NLGN1: variants seen among roughly 807,000 people sequenced by gnomAD.
NLGN1 encodes the protein neuroligin-1.
NLGN1 carries 12 observed loss-of-function variants against 65.5 expected under a neutral mutation model. The ratio of observed to expected loss-of-function variants is 0.18; its 90% CI spans 0.12 to 0.30. The LOEUF is 0.30. Among genes scored for constraint, NLGN1 ranks in the 10% least tolerant of loss-of-function variants. NLGN1 has a pLI of 1.00. For missense variants in NLGN1, 750 were observed against 1,007.1 expected, an observed-to-expected ratio of 0.74 and a Z score of 3.46; for synonymous variants, 350 against 359.5, an observed-to-expected ratio of 0.97 and a Z score of 0.30.
chr3:173,438,723 G>A (rs1411677925), intron 2 of NLGN1, among the ~76,000 whole-genome samples: 1 of 152,092 alleles, frequency 6.6e-6, no homozygotes, highest in Non-Finnish European at 1.5e-5. Flanking sequence ...TCTAAAGAAA[G>A]ATTAAAGGAA....
intron 4 of NLGN1, among the ~76,000 whole-genome samples, chr3:173,923,052 A>G (rs1742339242): frequency 6.6e-6 from 1 of 151,990 alleles, no homozygotes; most frequent in South Asian, 2.1e-4. Context: ...ACATTTCATC[A>G]ACATTTTTTC....
intron 1 of NLGN1, among the ~76,000 whole-genome samples, chr3:173,402,227 C>G (rs1717824474): frequency 6.6e-6 from 1 of 152,108 alleles, no homozygotes; most frequent in Non-Finnish European, 1.5e-5. Context: ...GCTTATCTAC[C>G]TACCATCTAC....
Position 173,447,844 on chromosome 3 carries a change from T to C in NLGN1, c.-321+12766T>C, listed in dbSNP as rs578065960. Among the ~76,000 whole-genome samples the C allele has an allele frequency of 2.6e-5, 4 of 152,346 alleles. No homozygotes were observed. In the South Asian group the frequency reaches 8.3e-4, roughly 32 times the overall value. On this transcript the variant is annotated intron_variant, in intron 2 of 6. Transcript: ENST00000457714. Reference sequence around the variant, plus strand: ...GCAGTTGTGAATGGGAGTTCATTCATGATTTGGCTCTCTGTTTGTCTGTTA... The same window carrying C: ...GCAGTTGTGAATGGGAGTTCATTCACGATTTGGCTCTCTGTTTGTCTGTTA...
chr3:173,996,613 G>A (rs1053894486), intron 4 of NLGN1, among the ~76,000 whole-genome samples: 3 of 152,120 alleles, frequency 2.0e-5, no homozygotes, highest in African/African-American at 4.8e-5. Flanking sequence ...TGAAGAGACC[G>A]TTTTACACAC....
intron 2 of NLGN1, among the ~76,000 whole-genome samples, chr3:173,498,274 A>C (rs1730375510): frequency 1.3e-5 from 2 of 150,432 alleles, no homozygotes; most frequent in African/African-American, 4.9e-5. Flanking sequence ...CTCATTGTTC[A>C]ATTCCCACCT....
At chr3:174,270,184 ATT>A (rs10547987) in intron 4 of NLGN1, among the ~76,000 whole-genome samples, 24,507 of 127,808 alleles carry the variant, frequency 0.19, 2,291 homozygotes, top group Middle Eastern at 0.28. Flanking sequence ...TTATTTGTTT[ATT>A]TTTTTTTTTT....
intron 3 of NLGN1, among the ~76,000 whole-genome samples, chr3:173,675,087 A>G (rs12107770): frequency 0.01 from 1,567 of 152,128 alleles, 33 homozygotes; most frequent in African/African-American, 0.035. Flanking sequence ...AAAACATATT[A>G]ATTATTAATA....
intron 1 of NLGN1, among the ~76,000 whole-genome samples, chr3:173,422,150 C>T (rs247966): frequency 0.27 from 41,449 of 151,424 alleles, 5,836 homozygotes; most frequent in Middle Eastern, 0.4. Context: ...TATATATACA[C>T]ACACACACAC....
chr3:173,784,063 G>C (rs983569542), intron 3 of NLGN1, among the ~76,000 whole-genome samples: 5 of 152,190 alleles, frequency 3.3e-5, no homozygotes, highest in Admixed American at 1.3e-4. Context: ...AATATGCACT[G>C]ATAGGAGTCA....
chr3:173,886,354 A>C (rs2150953844), intron 4 of NLGN1, among the ~76,000 whole-genome samples: 1 of 152,232 alleles, frequency 6.6e-6, no homozygotes, highest in South Asian at 2.1e-4. Context: ...TTACATGAAC[A>C]CTGCCTTTCA....
intron 3 of NLGN1, among the ~76,000 whole-genome samples, chr3:173,697,920 T>G (rs923881398): frequency 6.6e-6 from 1 of 152,150 alleles, no homozygotes; most frequent in African/African-American, 2.4e-5. Flanking sequence ...AATGTGCACT[T>G]TTTAGTAATA....
At chr3:173,735,542 C>G (rs1038922354) in intron 3 of NLGN1, among the ~76,000 whole-genome samples, 2 of 152,118 alleles carry the variant, frequency 1.3e-5, no homozygotes, top group Non-Finnish European at 2.9e-5. Context: ...TTTAACTTCT[C>G]ATTCTTCTGC....
chr3:173,612,096 C>T (rs1325891065), intron 3 of NLGN1, among the ~76,000 whole-genome samples: 1 of 151,926 alleles, frequency 6.6e-6, no homozygotes, highest in African/African-American at 2.4e-5. Flanking sequence ...TACTCTTCTC[C>T]TTCTTCCTCT....
At chr3:173,532,138 C>A (rs1183363094) in intron 2 of NLGN1, among the ~76,000 whole-genome samples, 1 of 152,128 alleles carries the variant, frequency 6.6e-6, no homozygotes, top group East Asian at 1.9e-4. Context: ...AATCCCAGAG[C>A]TTTTACTCTG....
chr3:174,204,204 A>T (rs1407422539), intron 4 of NLGN1, among the ~76,000 whole-genome samples: 1 of 152,132 alleles, frequency 6.6e-6, no homozygotes, highest in Non-Finnish European at 1.5e-5. Context: ...TTGACCTATT[A>T]TTACCCCAAG....
At position 174,120,381 on chromosome 3, in the gene NLGN1, C is replaced by T. The variant is rs144889610; in HGVS notation, c.647-154934C>T. 6.4e-3 allele frequency among the ~76,000 whole-genome samples: 970 copies of T among 152,098 alleles called. 26 individuals are homozygous for T. The highest frequency in any genetic ancestry group is 0.039 in the East Asian group (202 of 5,158). ...AATTAGCTGGACATCGTGGTGCATG[C>T]CTGTAATCCCACCTACTTGGGAGGC... On this transcript the variant is annotated intron_variant, in intron 4 of 6. Transcript: ENST00000457714.
At chr3:173,715,400 T>G (rs1173735773) in intron 3 of NLGN1, among the ~76,000 whole-genome samples, 1 of 152,168 alleles carries the variant, frequency 6.6e-6, no homozygotes, top group East Asian at 1.9e-4. Flanking sequence ...GTAAGCAACA[T>G]AAATATGCCA....
Position 174,048,682 on chromosome 3 carries a change from G to C in NLGN1, c.647-226633G>C, listed in dbSNP as rs78641445. ...CACGAAATGAAAGAGGAGCCAACAA[G>C]GTGACAGAGAAATACAGAAATCAAG... On this transcript the variant is annotated intron_variant, in intron 4 of 6. Transcript: ENST00000457714. Among the ~76,000 whole-genome samples the C allele has an allele frequency of 6.6e-4, 101 of 151,890 alleles. No homozygotes were observed. The East Asian group carries it at 0.019, about 29-fold the overall frequency.
intron 3 of NLGN1, among the ~76,000 whole-genome samples, chr3:173,755,034 A>G (rs1470663666): frequency 6.6e-6 from 1 of 152,150 alleles, no homozygotes; most frequent in Non-Finnish European, 1.5e-5. Context: ...TTAATTGTTT[A>G]AGAGAAGATA....
Sources: gnomAD v4.1 joint callset for allele counts (sites outside exome capture counted in the v4.1 genomes callset) on GRCh38, gnomAD v4.1.1 for gene constraint, MANE v1.5 for transcripts, NCBI Gene and HGNC (gene_info 2026-07-23, HGNC 2026-07-21) for gene names.